ARPC1B: variants seen among roughly 807,000 people sequenced by gnomAD.
ARPC1B encodes the protein actin related protein 2/3 complex subunit 1B.
Under a neutral mutation model 46.0 loss-of-function variants are expected in ARPC1B, and 29 were observed. The observed-to-expected ratio is 0.63, with a 90% confidence interval of 0.47 to 0.86. ARPC1B has a LOEUF of 0.86. Ranked by LOEUF, ARPC1B falls within the 40% of genes least tolerant of loss-of-function variation. The probability of loss-of-function intolerance (pLI) is 0.00; values close to 1 mark genes in which losing one functional copy is unlikely to be tolerated. For missense variants in ARPC1B, 469 were observed against 529.4 expected (o/e 0.89, Z 1.12); for synonymous variants, 201 against 213.9 (o/e 0.94, Z 0.53).
At chr7:99,384,461 G>A (rs539946350) in intron 1 of ARPC1B, among the ~76,000 whole-genome samples, 1 of 152,164 alleles carries the variant, frequency 6.6e-6, no homozygotes, top group Non-Finnish European at 1.5e-5. Flanking sequence ...AGTGGCACAT[G>A]CTTGTAATCC....
chr7:99,391,184 G>A lies in ARPC1B; in HGVS notation c.714G>A (p.Ala238=), dbSNP rs757307668. 15 of 1,613,836 alleles carry A rather than the reference G, an allele frequency of 9.3e-6. No individual in the cohort carries two copies. Among genetic ancestry groups the A allele is most frequent in the Admixed American group, 1.7e-5 (1 of 59,968 alleles). ...CACAGCTCTCTCCCCTCAGCGTCGC[G>A]ACTCTGGCCTCTGAAACACTACCAC... ...LADADKKMAV[A]TLASETLPLL... is the part of the protein sequence containing the mutation. The change falls in exon 7 of 10, where the codon GCG becomes GCA. Residue 238 remains alanine, a synonymous_variant. Coordinates refer to ENST00000646101, the MANE Select transcript of ARPC1B (RefSeq NM_005720.4).
At chr7:99,392,601 C>T (rs1794601421) in intron 7 of ARPC1B, 70 bp from the exon 8 acceptor site, 6 of 1,370,488 alleles carry the variant, frequency 4.4e-6, no homozygotes, top group Non-Finnish European at 5.7e-6. Context: ...CGGCCAGACG[C>T]CCGCCTGGCC....
At chr7:99,390,287 C>T (rs2150895612) in intron 5 of ARPC1B, among the ~76,000 whole-genome samples, 1 of 152,288 alleles carries the variant, frequency 6.6e-6, no homozygotes, top group Admixed American at 6.5e-5. Context: ...TCATAGCTCA[C>T]TGCAGCCTCC....
At chr7:99,385,962 G>A (rs770174096) in intron 2 of ARPC1B, among the ~76,000 whole-genome samples, 184 bp downstream of exon 2, 3 of 152,164 alleles carry the variant, frequency 2.0e-5, no homozygotes, top group Non-Finnish European at 2.9e-5. Flanking sequence ...AGTTTAAGGA[G>A]GGAATGGGCC....
At position 99,385,650 on chromosome 7, in the gene ARPC1B, C is replaced by G. The variant is rs1420899419; in HGVS notation, c.-13-52C>G. 5.9e-6 allele frequency: 9 copies of G among 1,516,942 alleles called. No homozygotes were observed. In the Middle Eastern group the frequency reaches 5.0e-4, roughly 85 times the overall value. 94.0% of individuals were successfully genotyped at this position (1,516,942 alleles called of 1,614,324 possible). On this transcript the variant is annotated intron_variant, in intron 1 of 9. Coordinates refer to ENST00000646101, the MANE Select transcript of ARPC1B (RefSeq NM_005720.4). ...ATCTGGGGCCTGGTATGGGTGAAGT[C>G]AGGGGCAAGGTTGGGGCTGACGTGG...
intron 5 of ARPC1B, among the ~76,000 whole-genome samples, chr7:99,390,314 C>T (rs1041580313): frequency 2.6e-5 from 4 of 152,140 alleles, no homozygotes; most frequent in African/African-American, 4.8e-5. Flanking sequence ...TGGACTCAAG[C>T]GATCCTCTTG....
chr7:99,384,658 G>A (rs1278283014), intron 1 of ARPC1B, among the ~76,000 whole-genome samples: 1 of 152,160 alleles, frequency 6.6e-6, no homozygotes. Context: ...CCAGCCCTGG[G>A]TGCAGCCAGT....
intron 1 of ARPC1B, among the ~76,000 whole-genome samples, chr7:99,379,833 CG>C (rs1038232226): frequency 6.7e-6 from 1 of 148,940 alleles, no homozygotes; most frequent in Non-Finnish European, 1.5e-5. Context: ...CAAGTGGAGA[CG>C]GGGTTTTGCC....
intron 1 of ARPC1B, among the ~76,000 whole-genome samples, chr7:99,379,113 T>C (rs1794129785): frequency 6.6e-6 from 1 of 152,172 alleles, no homozygotes; most frequent in Non-Finnish European, 1.5e-5. Context: ...AGTGTTATTC[T>C]GTTCTATTAA....
chr7:99,376,966 G>T (rs1794046956), intron 1 of ARPC1B, among the ~76,000 whole-genome samples: 1 of 152,034 alleles, frequency 6.6e-6, no homozygotes, highest in South Asian at 2.1e-4. Flanking sequence ...ATAGATGCCG[G>T]TAAAGTTTGT....
intron 1 of ARPC1B, among the ~76,000 whole-genome samples, chr7:99,380,457 G>C (rs1372471463): frequency 1.3e-5 from 2 of 152,120 alleles, no homozygotes; most frequent in Non-Finnish European, 2.9e-5. Flanking sequence ...AACAGACTAG[G>C]AAGTATTTCT....
In ARPC1B at chr7:99,391,322, A is replaced by T. The variant is rs571963414; in HGVS notation, c.783+69A>T. 130 of 1,453,364 alleles carry T rather than the reference A, an allele frequency of 8.9e-5. No individual in the cohort carries two copies. The African/African-American group carries it at 1.7e-3, about 19-fold the overall frequency. The allele number at this position is 1,453,364 out of a possible 1,614,324, so 90.0% of individuals were successfully genotyped here. ...CCTCCGAGAGAGCCCAGCAACTCTC[A>T]TCTCCTCCCTCCTTTCTCCTGCCTC... On this transcript the variant is annotated intron_variant, in intron 7 of 9. Transcript: ENST00000646101.
intron 1 of ARPC1B, chr7:99,376,365 C>G (rs895505168): frequency 9.4e-5 from 14 of 149,426 alleles, no homozygotes; most frequent in African/African-American, 3.6e-4. Flanking sequence ...TGCAATACTG[C>G]AAGACACCTG....
intron 1 of ARPC1B, among the ~76,000 whole-genome samples, chr7:99,382,668 C>G (rs1794263313): frequency 6.6e-6 from 1 of 151,952 alleles, no homozygotes; most frequent in Non-Finnish European, 1.5e-5. Context: ...GAGATAGGGT[C>G]TCACTGTATC....
At chr7:99,383,318 C>T (rs1794284069) in intron 1 of ARPC1B, among the ~76,000 whole-genome samples, 1 of 152,076 alleles carries the variant, frequency 6.6e-6, no homozygotes, top group African/African-American at 2.4e-5. Flanking sequence ...CAGAGCGAGA[C>T]CCTTTCTCAA....
chr7:99,390,597 C>G (rs1038581387), intron 5 of ARPC1B, among the ~76,000 whole-genome samples: 25 of 151,866 alleles, frequency 1.6e-4, no homozygotes, highest in African/African-American at 5.6e-4. Context: ...CCAGACTGGT[C>G]TCGAACCCCT....
rs1323265691 is a variant in ARPC1B at position 99,394,697 on chromosome 7, T to TAAAA, written c.*208_*209insAAAA. 3 of 1,228,206 alleles carry TAAAA rather than the reference T, an allele frequency of 2.4e-6. No individual in the cohort carries two copies. Among genetic ancestry groups the TAAAA allele is most frequent in the South Asian group, 5.4e-5 (2 of 37,330 alleles). 76.1% of individuals were successfully genotyped at this position (1,228,206 alleles called of 1,614,324 possible). A position where few individuals can be genotyped will look rare whatever the true frequency, so the allele number is the denominator to read the frequency against. On this transcript the variant is annotated 3_prime_UTR_variant, in exon 10 of 10. Coordinates refer to ENST00000646101, the MANE Select transcript of ARPC1B (RefSeq NM_005720.4). ...CTTTTTCTTAAATGCTTTCATTTATTGAAAAAAAAAAAAAATGCCCCCAAA... is the reference window on the plus strand; with the variant it reads ...CTTTTTCTTAAATGCTTTCATTTATTAAAAGAAAAAAAAAAAAAATGCCCCCAAA...
At chr7:99,385,307 G>T (rs1244177822) in intron 1 of ARPC1B, among the ~76,000 whole-genome samples, 10 of 77,872 alleles carry the variant, frequency 1.3e-4, no homozygotes, top group African/African-American at 2.8e-4. Flanking sequence ...AAGTTGGGTG[G>T]GGGGGGGGGG....
intron 2 of ARPC1B, 139 bp from the exon 3 acceptor site, chr7:99,386,546 A>G (rs992983920): frequency 1.8e-5 from 14 of 791,356 alleles, no homozygotes; most frequent in Non-Finnish European, 2.9e-5. Flanking sequence ...GAAGGACTTC[A>G]GGGGGCCCCT....
Sources: allele counts gnomAD v4.1 joint callset (sites outside exome capture counted in the v4.1 genomes callset), GRCh38; gene constraint gnomAD v4.1.1; transcripts MANE v1.5; gene names NCBI Gene and HGNC (gene_info 2026-07-23, HGNC 2026-07-21).